The following CSMD3 variants were observed in gnomAD, a reference collection of about 807,000 sequenced individuals.
The protein encoded by CSMD3 is CUB and Sushi multiple domains 3.
Under a neutral mutation model 435.2 loss-of-function variants are expected in CSMD3, and 177 were observed. That is an observed-to-expected ratio of 0.41 (90% CI 0.36 to 0.46). CSMD3 has a LOEUF of 0.46. Ranked by LOEUF, CSMD3 falls within the 20% of genes least tolerant of loss-of-function variation. The pLI, the probability that CSMD3 is intolerant of heterozygous loss-of-function variation, is 0.34. For synonymous variants in CSMD3, 1,656 were observed against 1,520.5 expected, an observed-to-expected ratio of 1.09 and a Z score of -2.07; for missense variants, 4,265 against 4,504.6, an observed-to-expected ratio of 0.95 and a Z score of 1.52.
chr8:112,969,085 C>T (rs2084538122), intron 7 of CSMD3, among the ~76,000 whole-genome samples: 1 of 151,912 alleles, frequency 6.6e-6, no homozygotes, highest in Admixed American at 6.6e-5. Context: ...TCACACAATG[C>T]AGTTTTTGAT....
chr8:112,632,000 T>C (rs1376560057), intron 22 of CSMD3, among the ~76,000 whole-genome samples: 1 of 152,022 alleles, frequency 6.6e-6, no homozygotes, highest in Non-Finnish European at 1.5e-5. Context: ...ATCAGTCATA[T>C]TTGATATACA....
intron 18 of CSMD3, among the ~76,000 whole-genome samples, chr8:112,653,164 T>C (rs2075171124): frequency 6.6e-6 from 1 of 152,216 alleles, no homozygotes; most frequent in African/African-American, 2.4e-5. Flanking sequence ...TTTTCAGAAG[T>C]TCATGTCTGC....
chr8:113,314,809 A>G lies in CSMD3; in HGVS notation c.179-16T>C. 3 of 1,372,618 alleles carry G rather than the reference A, an allele frequency of 2.2e-6. No individual in the cohort carries two copies. The highest frequency in any genetic ancestry group is 3.1e-6 in the Non-Finnish European group (3 of 961,154). The allele number at this position is 1,372,618 out of a possible 1,614,324, so 85.0% of individuals were successfully genotyped here. Reference sequence around the variant, plus strand: ...TAAATAAATCCTGCAACAAAAGACAATAAACAGACATTAATATTATATAAA... The same window carrying G: ...TAAATAAATCCTGCAACAAAAGACAGTAAACAGACATTAATATTATATAAA... On this transcript the variant is annotated splice_polypyrimidine_tract_variant and intron_variant, in intron 1 of 70. Coordinates refer to ENST00000297405, the MANE Select transcript of CSMD3 (RefSeq NM_198123.2).
intron 10 of CSMD3, among the ~76,000 whole-genome samples, chr8:112,897,690 CTCTCTGTGTGTGTG>C (rs1465256638): frequency 6.2e-4 from 77 of 125,152 alleles, no homozygotes; most frequent in Middle Eastern, 4.1e-3. Flanking sequence ...CTCTCTCTCT[CTCTCTGTGTGTGTG>C]TGTGTGTGTG....
chr8:113,436,863 C>G lies in CSMD3; in HGVS notation c.-9G>C, dbSNP rs2094710049. 6.2e-7 allele frequency: 1 copy of G among 1,613,702 alleles called. No individual in the cohort carries two copies. Reference sequence around the variant, plus strand: ...TTGCGGATCCCTTTCATATTATTCGCGAGCTCCTAATTCCTGCTCCTCAGC... The same window carrying G: ...TTGCGGATCCCTTTCATATTATTCGGGAGCTCCTAATTCCTGCTCCTCAGC... On this transcript the variant is annotated 5_prime_UTR_variant, in exon 1 of 71. Transcript: ENST00000297405.
chr8:112,596,563 AT>A (rs1040452321), intron 22 of CSMD3, among the ~76,000 whole-genome samples: 6 of 152,138 alleles, frequency 3.9e-5, no homozygotes, highest in African/African-American at 1.4e-4. Context: ...CAGAATACAC[AT>A]TTTTTTCAGC....
At chr8:112,272,905 G>A (rs185746728) in intron 59 of CSMD3, among the ~76,000 whole-genome samples, 607 of 152,170 alleles carry the variant, frequency 4.0e-3, no homozygotes, top group Admixed American at 6.4e-3. Flanking sequence ...GATTGTTAAT[G>A]GGGTGTTAGT....
At chr8:112,503,687 A>G in intron 30 of CSMD3, 103 bp downstream of exon 30, 2 of 742,838 alleles carry the variant, frequency 2.7e-6, no homozygotes, top group Non-Finnish European at 4.4e-6. Context: ...ATTTAAAAAT[A>G]CACATAAAAC....
chr8:113,000,909 A>G (rs1392106747), intron 6 of CSMD3, among the ~76,000 whole-genome samples: 2 of 152,046 alleles, frequency 1.3e-5, no homozygotes, highest in Admixed American at 6.6e-5. Flanking sequence ...GAACTTAAAC[A>G]TCACAGTCCA....
intron 13 of CSMD3, among the ~76,000 whole-genome samples, chr8:112,795,958 T>C (rs920071461): frequency 1.3e-5 from 2 of 151,932 alleles, no homozygotes; most frequent in Admixed American, 1.3e-4. Context: ...AGTAACTATA[T>C]GAAAATAAAA....
chr8:112,859,346 T>A (rs2080759394), intron 10 of CSMD3, 80 bp from the exon 11 acceptor site: 1 of 1,173,266 alleles, frequency 8.5e-7, no homozygotes, highest in Non-Finnish European at 1.3e-6. Flanking sequence ...GCAAATAGAC[T>A]TTACATTCAA....
chr8:112,810,459 C>G (rs1195392200), intron 12 of CSMD3, among the ~76,000 whole-genome samples: 1 of 152,078 alleles, frequency 6.6e-6, no homozygotes, highest in Non-Finnish European at 1.5e-5. Context: ...ACACAAGTCT[C>G]TCCAGTCCAA....
chr8:112,480,785 A>T (rs148921494), intron 31 of CSMD3, among the ~76,000 whole-genome samples: 3 of 152,238 alleles, frequency 2.0e-5, no homozygotes, highest in East Asian at 3.9e-4. Flanking sequence ...TTTTCTTCCT[A>T]AATTACCCAG....
chr8:112,773,106 C>A (rs910195644), intron 13 of CSMD3, among the ~76,000 whole-genome samples: 1 of 151,688 alleles, frequency 6.6e-6, no homozygotes, highest in Non-Finnish European at 1.5e-5. Flanking sequence ...TTCCACCTGA[C>A]GAGAAACGCT....
chr8:112,835,367 T>G (rs2079993451), intron 11 of CSMD3, among the ~76,000 whole-genome samples: 1 of 151,890 alleles, frequency 6.6e-6, no homozygotes, highest in Non-Finnish European at 1.5e-5. Context: ...TAACATGAGT[T>G]TTTTAAATGG....
At chr8:112,320,694 T>C (rs926323013) in intron 45 of CSMD3, among the ~76,000 whole-genome samples, 1 of 143,710 alleles carries the variant, frequency 7.0e-6, no homozygotes, top group Non-Finnish European at 1.5e-5. Context: ...CCTTCGTGTG[T>C]TCAAGTGTTC....
chr8:112,539,701 G>A (rs185980995), intron 27 of CSMD3, among the ~76,000 whole-genome samples: 83 of 152,066 alleles, frequency 5.5e-4, no homozygotes, highest in African/African-American at 1.8e-3. Context: ...ATATCCATAC[G>A]TAGAAGAATA....
chr8:112,292,213 A>C (rs1819831746), intron 55 of CSMD3, among the ~76,000 whole-genome samples: 1 of 152,180 alleles, frequency 6.6e-6, no homozygotes. Flanking sequence ...TGCAAGTAAA[A>C]ATAATCTCAA....
intron 6 of CSMD3, among the ~76,000 whole-genome samples, chr8:113,014,621 C>A (rs1482187608): frequency 6.6e-6 from 1 of 152,060 alleles, no homozygotes; most frequent in African/African-American, 2.4e-5. Context: ...AAGCCCATTA[C>A]ACAAAGCAAA....
Sources: allele counts gnomAD v4.1 joint callset (sites outside exome capture counted in the v4.1 genomes callset), GRCh38; gene constraint gnomAD v4.1.1; transcripts MANE v1.5; gene names NCBI Gene and HGNC (gene_info 2026-07-23, HGNC 2026-07-21).